Variants in LIMCH1 observed in about 807,000 individuals in gnomAD.
The protein encoded by LIMCH1 is LIM and calponin homology domains 1.
Under a neutral mutation model 176.5 loss-of-function variants are expected in LIMCH1, and 113 were observed. The ratio of observed to expected loss-of-function variants is 0.64; its 90% CI spans 0.55 to 0.75. The LOEUF is 0.75. Among genes scored for constraint, LIMCH1 ranks in the 30% least tolerant of loss-of-function variants. LIMCH1 has a pLI of 0.00. For synonymous variants in LIMCH1, 619 were observed against 645.9 expected (o/e 0.96, Z 0.63); for missense variants, 1,674 against 1,814.9 (o/e 0.92, Z 1.41).
Position 41,401,474 on chromosome 4 carries a change from C to T in LIMCH1, c.96+40538C>T, listed in dbSNP as rs570190833. Among the ~76,000 whole-genome samples the T allele has an allele frequency of 4.6e-5, 7 of 152,200 alleles. No homozygotes were observed. In the South Asian group the frequency reaches 1.5e-3, roughly 32 times the overall value. On this transcript the variant is annotated intron_variant, in intron 1 of 26. Transcript: ENST00000313860. Reference sequence around the variant, plus strand: ...TTGAAGTCAGGTAGCATGATGCCTCCAGCTTTGTTCTTTTGGCTTAGGATT... The same window carrying T: ...TTGAAGTCAGGTAGCATGATGCCTCTAGCTTTGTTCTTTTGGCTTAGGATT...
At chr4:41,449,653 A>T (rs1296395063) in intron 1 of LIMCH1, among the ~76,000 whole-genome samples, 1 of 152,170 alleles carries the variant, frequency 6.6e-6, no homozygotes, top group African/African-American at 2.4e-5. Context: ...GGTCATAGTT[A>T]AAAAAATCCA....
intron 1 of LIMCH1, among the ~76,000 whole-genome samples, chr4:41,491,838 C>T (rs1473283972): frequency 6.8e-6 from 1 of 147,508 alleles, no homozygotes; most frequent in African/African-American, 2.5e-5. Context: ...CCTCACTTCC[C>T]ATTCGGGGCA....
At chr4:41,541,989 C>T (rs2078721852) in intron 1 of LIMCH1, among the ~76,000 whole-genome samples, 1 of 152,170 alleles carries the variant, frequency 6.6e-6, no homozygotes, top group Non-Finnish European at 1.5e-5. Flanking sequence ...ATCTGAAAAG[C>T]CGAACTCAGC....
chr4:41,668,165 C>T (rs1385317080), intron 21 of LIMCH1, among the ~76,000 whole-genome samples: 5 of 152,084 alleles, frequency 3.3e-5, no homozygotes, highest in African/African-American at 9.7e-5. Flanking sequence ...TCTGAGTTGG[C>T]TTCCATTAGC....
chr4:41,406,811 C>T (rs6447068), intron 1 of LIMCH1, among the ~76,000 whole-genome samples: 86,471 of 151,852 alleles, frequency 0.57, 27,953 homozygotes, highest in East Asian at 0.82. Context: ...GGAACTGAGG[C>T]GGGATATATA....
At chr4:41,369,164 G>A (rs1330625125) in intron 1 of LIMCH1, among the ~76,000 whole-genome samples, 1 of 152,056 alleles carries the variant, frequency 6.6e-6, no homozygotes, top group Non-Finnish European at 1.5e-5. Context: ...TTCAACACTT[G>A]AACTACCATT....
chr4:41,676,932 G>A (rs975094051), intron 23 of LIMCH1, among the ~76,000 whole-genome samples: 1 of 152,174 alleles, frequency 6.6e-6, no homozygotes, highest in African/African-American at 2.4e-5. Context: ...GGAGGCCGAT[G>A]TGAGTGCATC....
chr4:41,590,686 C>G (rs1283784830), intron 1 of LIMCH1, among the ~76,000 whole-genome samples: 1 of 152,214 alleles, frequency 6.6e-6, no homozygotes, highest in Non-Finnish European at 1.5e-5. Context: ...CAAGCAGCCA[C>G]CCAGCTGCCA....
chr4:41,414,860 A>G (rs1486770391), intron 1 of LIMCH1, among the ~76,000 whole-genome samples: 2 of 152,220 alleles, frequency 1.3e-5, no homozygotes, highest in African/African-American at 4.8e-5. Flanking sequence ...TATCTTGAAA[A>G]GAAAATGTTG....
intron 1 of LIMCH1, among the ~76,000 whole-genome samples, chr4:41,570,147 T>G (rs1278559583): frequency 1.3e-5 from 2 of 152,224 alleles, no homozygotes; most frequent in Non-Finnish European, 2.9e-5. Flanking sequence ...CAATGTACTC[T>G]GTGACCTCCA....
At chr4:41,571,278 G>GA (rs1287392897) in intron 1 of LIMCH1, among the ~76,000 whole-genome samples, 1 of 152,046 alleles carries the variant, frequency 6.6e-6, no homozygotes, top group Non-Finnish European at 1.5e-5. Context: ...GAAGAGAGGG[G>GA]AAAATAAGTG....
At chr4:41,522,009 C>CA (rs1313499912) in intron 2 of LIMCH1, among the ~76,000 whole-genome samples, 1 of 152,016 alleles carries the variant, frequency 6.6e-6, no homozygotes, top group Non-Finnish European at 1.5e-5. Flanking sequence ...ATATAGAGGA[C>CA]AAAAAGCATA....
intron 20 of LIMCH1, among the ~76,000 whole-genome samples, chr4:41,665,570 A>G (rs903837693): frequency 2.0e-5 from 3 of 152,204 alleles, no homozygotes; most frequent in African/African-American, 7.2e-5. Context: ...ATATGATGAA[A>G]CAAGTGCTCT....
chr4:41,417,118 A>G (rs2060012456), intron 1 of LIMCH1, among the ~76,000 whole-genome samples: 1 of 94,442 alleles, frequency 1.1e-5, no homozygotes, highest in Non-Finnish European at 2.1e-5. Context: ...TATCTATGCT[A>G]TAGGCATTGT....
intron 1 of LIMCH1, among the ~76,000 whole-genome samples, chr4:41,540,617 T>A (rs1211911848): frequency 6.6e-6 from 1 of 152,080 alleles, no homozygotes; most frequent in Admixed American, 6.5e-5. Context: ...TGGGCACCTG[T>A]AATCCCAGCT....
intron 31 of LIMCH1, among the ~76,000 whole-genome samples, chr4:41,696,561 G>A (rs958293099): frequency 2.6e-5 from 4 of 152,110 alleles, no homozygotes; most frequent in Non-Finnish European, 5.9e-5. Flanking sequence ...CATTTTTTAA[G>A]TCTGTGTATG....
intron 1 of LIMCH1, among the ~76,000 whole-genome samples, chr4:41,430,515 G>A (rs1402019409): frequency 6.6e-6 from 1 of 152,182 alleles, no homozygotes; most frequent in Non-Finnish European, 1.5e-5. Flanking sequence ...GTCTGCCTCG[G>A]CCTCCCAAAG....
chr4:41,475,494 A>T (rs1342805188), intron 1 of LIMCH1, among the ~76,000 whole-genome samples: 1 of 152,190 alleles, frequency 6.6e-6, no homozygotes, highest in Non-Finnish European at 1.5e-5. Flanking sequence ...GTTGAGCATG[A>T]ATTCAGCTAA....
chr4:41,471,844 C>T (rs2067001977), intron 1 of LIMCH1, among the ~76,000 whole-genome samples: 1 of 152,200 alleles, frequency 6.6e-6, no homozygotes, highest in Non-Finnish European at 1.5e-5. Context: ...TAGCTCTGCA[C>T]ACACTCTTTT....
Sources: gnomAD v4.1 joint callset for allele counts (sites outside exome capture counted in the v4.1 genomes callset) on GRCh38, gnomAD v4.1.1 for gene constraint, MANE v1.5 for transcripts, NCBI Gene and HGNC (gene_info 2026-07-23, HGNC 2026-07-21) for gene names.